Variants in NCKAP1 observed in about 807,000 individuals in gnomAD.
The protein encoded by NCKAP1 is NCK associated protein 1.
Under a neutral mutation model 151.2 loss-of-function variants are expected in NCKAP1, and 21 were observed. That is an observed-to-expected ratio of 0.14 (90% CI 0.10 to 0.20). NCKAP1 has a LOEUF of 0.20. Among genes scored for constraint, NCKAP1 ranks in the 10% least tolerant of loss-of-function variants. NCKAP1 has a pLI of 1.00. For missense variants in NCKAP1, 933 were observed against 1,352.1 expected (o/e 0.69, Z 4.86); for synonymous variants, 484 against 451.8 (o/e 1.07, Z -0.90).
At chr2:182,978,807 T>A in intron 14 of NCKAP1, 27 bp downstream of exon 14, 1 of 1,337,830 alleles carries the variant, frequency 7.5e-7, no homozygotes. Context: ...TAGAAGAAAA[T>A]ATGCTTTTAT....
Position 182,909,657 on chromosome 2 carries a change from A to C in NCKAP1, c.*16045T>G, listed in dbSNP as rs1342673284. ...TGTATGTTGTTGTTTTATTTGTTTA[A>C]GTAAACAATCACTTTTAAAGCCAAG... On this transcript the variant is annotated 3_prime_UTR_variant, in exon 31 of 31. Transcript: ENST00000361354. The C allele has an allele frequency of 6.6e-6, 1 of 152,216 alleles. No individual in the cohort carries two copies. Among genetic ancestry groups the C allele is most frequent in the Non-Finnish European group, 1.5e-5 (1 of 68,040 alleles). 9.4% of individuals were successfully genotyped at this position (152,216 alleles called of 1,614,324 possible).
intron 1 of NCKAP1, among the ~76,000 whole-genome samples, chr2:183,027,712 T>G (rs1698925020): frequency 6.6e-6 from 1 of 151,984 alleles, no homozygotes; most frequent in South Asian, 2.1e-4. Flanking sequence ...TTAAAAAAAC[T>G]TTAAGGTTTC....
intron 23 of NCKAP1, among the ~76,000 whole-genome samples, chr2:182,951,496 C>T (rs112650348): frequency 0.054 from 8,223 of 151,768 alleles, 294 homozygotes; most frequent in Non-Finnish European, 0.08. Flanking sequence ...CGGTGAAACA[C>T]CGTCTCTACT....
intron 24 of NCKAP1, among the ~76,000 whole-genome samples, chr2:182,938,929 A>T (rs1696938482): frequency 6.6e-6 from 1 of 152,228 alleles, no homozygotes; most frequent in African/African-American, 2.4e-5. Flanking sequence ...CTGTGATCTG[A>T]GAGTTGAATT....
intron 9 of NCKAP1, among the ~76,000 whole-genome samples, chr2:182,986,704 A>C (rs1379854769): frequency 1.3e-5 from 2 of 152,194 alleles, no homozygotes; most frequent in African/African-American, 4.8e-5. Context: ...GTGAAGGAGA[A>C]AACTGAGGCA....
rs1160170063 is a variant in NCKAP1, at chr2:183,029,789, C to T, written c.109-5873G>A. Reference sequence around the variant, plus strand: ...GAGCCCTGTTCACAACCACTGCAAACTCCAGCCTAGGCAAGAGTGAGACCC... The same window carrying T: ...GAGCCCTGTTCACAACCACTGCAAATTCCAGCCTAGGCAAGAGTGAGACCC... On this transcript the variant is annotated intron_variant, in intron 1 of 30. Transcript: ENST00000361354. 1.2e-4 allele frequency among the ~76,000 whole-genome samples: 16 copies of T among 137,846 alleles called. No homozygotes were observed. In the Admixed American group the frequency reaches 1.3e-3, roughly 11 times the overall value. The allele number at this position is 137,846 out of a possible 152,430, so 90.4% of individuals were successfully genotyped here.
At chr2:183,011,208 T>C (rs72888449) in intron 2 of NCKAP1, among the ~76,000 whole-genome samples, 4,048 of 152,340 alleles carry the variant, frequency 0.027, 79 homozygotes, top group Non-Finnish European at 0.04. Context: ...AGTTTGGTCA[T>C]AGGAGAACCA....
rs535907124 is a variant in NCKAP1 at position 182,912,861 on chromosome 2, G to A, written c.*12841C>T. 145 of 151,964 alleles carry A rather than the reference G, an allele frequency of 9.5e-4. No homozygotes were observed. Among genetic ancestry groups the A allele is most frequent in the African/African-American group, 3.3e-3 (135 of 41,480 alleles). 9.4% of individuals were successfully genotyped at this position (151,964 alleles called of 1,614,324 possible). On this transcript the variant is annotated 3_prime_UTR_variant, in exon 31 of 31. Transcript: ENST00000361354. Reference sequence around the variant, plus strand: ...AAGATAGAGGAAGAAAGGAAGGAAGGAAGGAAGGAAGGAAGGAAGGAAGGA... The same window carrying A: ...AAGATAGAGGAAGAAAGGAAGGAAGAAAGGAAGGAAGGAAGGAAGGAAGGA...
At chr2:182,950,357 A>T (rs999012436) in intron 23 of NCKAP1, among the ~76,000 whole-genome samples, 1 of 152,258 alleles carries the variant, frequency 6.6e-6, no homozygotes, top group African/African-American at 2.4e-5. Flanking sequence ...TCTGAAATAA[A>T]AAATAGCTGG....
chr2:183,011,499 T>G (rs2105884285), intron 2 of NCKAP1, among the ~76,000 whole-genome samples: 1 of 152,348 alleles, frequency 6.6e-6, no homozygotes, highest in African/African-American at 2.4e-5. Flanking sequence ...TCAATAAGCT[T>G]GCCTTTTCTA....
At position 183,012,661 on chromosome 2, in the gene NCKAP1, A is replaced by G. The variant is rs1698610817; in HGVS notation, c.220-9336T>C. ...TTTAGACAGAGTCTCACTCTGTCCC[A>G]GAGTGTAGTGGCATGATCTCGGCTT... On this transcript the variant is annotated intron_variant, in intron 2 of 30. Coordinates refer to ENST00000361354, the MANE Select transcript of NCKAP1 (RefSeq NM_013436.5). Among the ~76,000 whole-genome samples the G allele has an allele frequency of 2.0e-5, 3 of 147,236 alleles. No homozygotes were observed. In the Admixed American group the frequency reaches 2.1e-4, roughly 10 times the overall value.
intron 2 of NCKAP1, among the ~76,000 whole-genome samples, chr2:183,004,169 T>G (rs550088569): frequency 3.9e-5 from 6 of 152,226 alleles, no homozygotes; most frequent in Non-Finnish European, 8.8e-5. Context: ...CTACCTCAGA[T>G]CTACTGAATC....
chr2:182,946,333 G>C (rs1248259685), intron 23 of NCKAP1, among the ~76,000 whole-genome samples: 1 of 152,072 alleles, frequency 6.6e-6, no homozygotes, highest in Non-Finnish European at 1.5e-5. Context: ...CTGGGAGGCA[G>C]AGCTTGCAGT....
At chr2:182,939,854 T>C (rs187296360) in intron 24 of NCKAP1, among the ~76,000 whole-genome samples, 85 of 152,338 alleles carry the variant, frequency 5.6e-4, no homozygotes, top group Non-Finnish European at 1.1e-3. Flanking sequence ...ATTTAATAAA[T>C]TCTATTTAAA....
chr2:182,944,583 C>T (rs974757899), intron 23 of NCKAP1, among the ~76,000 whole-genome samples: 5 of 152,156 alleles, frequency 3.3e-5, no homozygotes, highest in Non-Finnish European at 7.4e-5. Flanking sequence ...AGTACACGTA[C>T]ATAGTGTTGA....
rs1306758813 is a variant in NCKAP1, at chr2:182,923,328, A to C, written c.*2374T>G. The C allele has an allele frequency of 6.6e-6, 1 of 151,836 alleles. No individual in the cohort carries two copies. Among genetic ancestry groups the C allele is most frequent in the African/African-American group, 2.4e-5 (1 of 41,306 alleles). The allele number at this position is 151,836 out of a possible 1,614,324, so 9.4% of individuals were successfully genotyped here. A position where few individuals can be genotyped will look rare whatever the true frequency, so the allele number is the denominator to read the frequency against. ...CATTCTGTCATCCAGGCTGGAGTGC[A>C]GTGGTGTGATCTCAGCTCACAGCAA... On this transcript the variant is annotated 3_prime_UTR_variant, in exon 31 of 31. Transcript: ENST00000361354.
At chr2:183,007,046 T>C (rs915455721) in intron 2 of NCKAP1, among the ~76,000 whole-genome samples, 1 of 152,148 alleles carries the variant, frequency 6.6e-6, no homozygotes, top group Non-Finnish European at 1.5e-5. Context: ...AATTTCTTTG[T>C]ATTTTTAGTA....
At chr2:182,952,681 G>A (rs1697238264) in intron 22 of NCKAP1, 112 bp downstream of exon 22, 5 of 1,208,088 alleles carry the variant, frequency 4.1e-6, no homozygotes, top group South Asian at 3.2e-5. Context: ...ATGCAGTTAC[G>A]CATATAATTG....
chr2:182,994,968 C>T, intron 7 of NCKAP1, 81 bp from the exon 8 acceptor site: 1 of 1,130,776 alleles, frequency 8.8e-7, no homozygotes, highest in Admixed American at 1.9e-5. Flanking sequence ...CTCCCTTTCT[C>T]CTGATAACTT....
Sources: allele counts gnomAD v4.1 joint callset (sites outside exome capture counted in the v4.1 genomes callset), GRCh38; gene constraint gnomAD v4.1.1; transcripts MANE v1.5; gene names NCBI Gene and HGNC (gene_info 2026-07-23, HGNC 2026-07-21).